Variants in DARS1 observed in about 807,000 individuals in gnomAD.
DARS1 encodes aspartate--tRNA ligase, cytoplasmic.
DARS1 carries 51 observed loss-of-function variants against 68.8 expected under a neutral mutation model. The observed-to-expected ratio is 0.74, with a 90% CI of 0.59 to 0.94. The LOEUF is 0.94. Ranked by LOEUF, DARS1 falls within the 40% of genes least tolerant of loss-of-function variation. DARS1 has a pLI of 0.00. For synonymous variants in DARS1, 203 were observed against 190.4 expected (o/e 1.07, Z -0.55); for missense variants, 607 against 597.3 (o/e 1.02, Z -0.17).
Position 135,985,594 on chromosome 2 carries a change from G to C in DARS1, c.-126C>G, listed in dbSNP as rs1428011991. 1.3e-6 allele frequency: 2 copies of C among 1,545,208 alleles called. No homozygotes were observed. The highest frequency in any genetic ancestry group is 1.8e-6 in the Non-Finnish European group (2 of 1,141,562). On this transcript the variant is annotated 5_prime_UTR_variant, in exon 1 of 16. Coordinates refer to ENST00000264161, the MANE Select transcript of DARS1 (RefSeq NM_001349.4). Reference sequence around the variant, plus strand: ...CCCTGGGGTCTCAGCACACGCGCTCGGACTCCGCGTGGAGGTGCGGCTCCA... The same window carrying C: ...CCCTGGGGTCTCAGCACACGCGCTCCGACTCCGCGTGGAGGTGCGGCTCCA...
At chr2:135,947,869 C>T (rs868760274) in intron 4 of DARS1, among the ~76,000 whole-genome samples, 1 of 151,752 alleles carries the variant, frequency 6.6e-6, no homozygotes, top group Middle Eastern at 3.4e-3. Flanking sequence ...AATAATAGGC[C>T]CTTTAGTAAT....
chr2:135,933,402 G>C (rs1681396019), intron 6 of DARS1, among the ~76,000 whole-genome samples: 1 of 152,158 alleles, frequency 6.6e-6, no homozygotes, highest in African/African-American at 2.4e-5. Context: ...GAATCTAGTT[G>C]TCTATTAAGC....
intron 10 of DARS1, among the ~76,000 whole-genome samples, chr2:135,919,257 C>A (rs1681066004): frequency 6.6e-6 from 1 of 152,120 alleles, no homozygotes; most frequent in South Asian, 2.1e-4. Context: ...TCTTGAACTT[C>A]TGACCTCAAG....
chr2:135,940,689 G>T (rs1681575791), intron 5 of DARS1, among the ~76,000 whole-genome samples: 1 of 152,162 alleles, frequency 6.6e-6, no homozygotes, highest in Non-Finnish European at 1.5e-5. Flanking sequence ...GGAATAAAGG[G>T]TATTCAATTA....
intron 4 of DARS1, among the ~76,000 whole-genome samples, chr2:135,950,856 T>G (rs149757332): frequency 0.014 from 2,125 of 152,198 alleles, 43 homozygotes; most frequent in African/African-American, 0.038. Flanking sequence ...ATCAGGAGTC[T>G]TTGGGACAGG....
chr2:135,981,958 C>A (rs1440120391), intron 2 of DARS1, among the ~76,000 whole-genome samples: 1 of 152,140 alleles, frequency 6.6e-6, no homozygotes, highest in Non-Finnish European at 1.5e-5. Context: ...TCTTTCCCAA[C>A]AAGCCTGGGA....
At chr2:135,978,757 T>G (rs1237717177) in intron 3 of DARS1, among the ~76,000 whole-genome samples, 2 of 152,212 alleles carry the variant, frequency 1.3e-5, no homozygotes, top group African/African-American at 2.4e-5. Context: ...ATGTGGTCAT[T>G]AAGCTCTTGA....
In DARS1 at chr2:135,914,483, A is replaced by G; in HGVS notation, c.1135T>C (p.Leu379=). 1 of 1,448,138 alleles carries G rather than the reference A, an allele frequency of 6.9e-7. No homozygotes were observed. Among genetic ancestry groups the G allele is most frequent in the Non-Finnish European group, 9.7e-7 (1 of 1,028,638 alleles). The allele number at this position is 1,448,138 out of a possible 1,614,324, so 89.7% of individuals were successfully genotyped here. ...STPNEKLLGH[L]VKEKYDTDFY... is the part of the protein sequence containing the mutation. The stretch of plus-strand genomic sequence containing the variant: ...AAGAGTCCTACCTTTTCCTTTACCA[A>G]ATGACCCAACAGCTTTTCATTTGGT... Residue 379 remains leucine, a synonymous_variant, in exon 12 of 16, where the codon TTG becomes CTG. Coordinates refer to ENST00000264161, the MANE Select transcript of DARS1 (RefSeq NM_001349.4).
chr2:135,919,369 T>G (rs117395206), intron 10 of DARS1, among the ~76,000 whole-genome samples: 1 of 152,294 alleles, frequency 6.6e-6, no homozygotes, highest in East Asian at 1.9e-4. Flanking sequence ...AGCCCTGCAA[T>G]GCAGTAAATA....
chr2:135,980,002 A>G (rs1441436348), intron 2 of DARS1, among the ~76,000 whole-genome samples: 1 of 152,168 alleles, frequency 6.6e-6, no homozygotes, highest in Non-Finnish European at 1.5e-5. Flanking sequence ...CTTTCCTGCT[A>G]TGTTTGCAGG....
At chr2:135,912,451 C>G in intron 13 of DARS1, 35 bp downstream of exon 13, 1 of 762,050 alleles carries the variant, frequency 1.3e-6, no homozygotes, top group Non-Finnish European at 2.3e-6. Flanking sequence ...TTCCCTTCTG[C>G]CTCAAAATGG....
At chr2:135,948,004 T>C (rs932795714) in intron 4 of DARS1, among the ~76,000 whole-genome samples, 4 of 152,222 alleles carry the variant, frequency 2.6e-5, no homozygotes, top group African/African-American at 9.6e-5. Context: ...TTTCATATTG[T>C]TTTATACAAA....
At chr2:135,947,758 C>T (rs949708965) in intron 4 of DARS1, among the ~76,000 whole-genome samples, 2 of 151,400 alleles carry the variant, frequency 1.3e-5, no homozygotes, top group African/African-American at 4.9e-5. Context: ...CATCAGCTCA[C>T]TATGAAATAA....
chr2:135,985,608 G>C lies in DARS1; in HGVS notation c.-140C>G, dbSNP rs1278449091. 5 of 1,518,164 alleles carry C rather than the reference G, an allele frequency of 3.3e-6. 1 individual carries two copies. The South Asian group carries it at 6.1e-5, about 18-fold the overall frequency. The allele number at this position is 1,518,164 out of a possible 1,614,324, so 94.0% of individuals were successfully genotyped here. On this transcript the variant is annotated 5_prime_UTR_variant, in exon 1 of 16. Coordinates refer to ENST00000264161, the MANE Select transcript of DARS1 (RefSeq NM_001349.4). The stretch of plus-strand genomic sequence containing the variant: ...CACACGCGCTCGGACTCCGCGTGGA[G>C]GTGCGGCTCCAGAAAGATCGCGAGA...
intron 2 of DARS1, chr2:135,980,495 T>C (rs959538611): frequency 3.3e-5 from 5 of 152,220 alleles, no homozygotes; most frequent in Non-Finnish European, 7.3e-5. Context: ...AGAGAGAATC[T>C]GATTTACAGG....
intron 2 of DARS1, among the ~76,000 whole-genome samples, 172 bp from the exon 3 acceptor site, chr2:135,979,538 CAA>C (rs1187234654): frequency 3.3e-5 from 5 of 152,180 alleles, no homozygotes; most frequent in African/African-American, 1.2e-4. Flanking sequence ...CAATTTGCCT[CAA>C]GTTTTGTGAA....
At chr2:135,961,366 T>C (rs1262527745) in intron 4 of DARS1, 30 bp downstream of exon 4, 1 of 969,716 alleles carries the variant, frequency 1.0e-6, no homozygotes, top group South Asian at 1.3e-5. Flanking sequence ...CATTGTTTAT[T>C]CTGACAACAG....
At chr2:135,970,309 G>T (rs1166910291) in intron 3 of DARS1, among the ~76,000 whole-genome samples, 1 of 134,018 alleles carries the variant, frequency 7.5e-6, no homozygotes, top group Non-Finnish European at 1.6e-5. Flanking sequence ...GACCACAACA[G>T]AATAACACTA....
At chr2:135,934,132 G>A (rs1036592184) in intron 5 of DARS1, 142 bp from the exon 6 acceptor site, 3 of 1,381,668 alleles carry the variant, frequency 2.2e-6, no homozygotes, top group Non-Finnish European at 2.8e-6. Context: ...AATCAAACAA[G>A]ATGATACAGG....
Sources: allele counts gnomAD v4.1 joint callset (sites outside exome capture counted in the v4.1 genomes callset), GRCh38; gene constraint gnomAD v4.1.1; transcripts MANE v1.5; gene names NCBI Gene and HGNC (gene_info 2026-07-23, HGNC 2026-07-21).